The following DNAH1 variants were observed in gnomAD, a reference collection of about 807,000 sequenced individuals.
The protein encoded by DNAH1 is axonemal beta dynein heavy chain 1.
Under a neutral mutation model 484.3 loss-of-function variants are expected in DNAH1, and 327 were observed. The observed-to-expected ratio is 0.68, with a 90% confidence interval of 0.62 to 0.74. The LOEUF (loss-of-function observed/expected upper bound fraction) is 0.74. DNAH1 is among the 30% of genes least tolerant of loss of function. The probability of loss-of-function intolerance (pLI) is 0.00; values close to 1 mark genes in which losing one functional copy is unlikely to be tolerated. For missense variants in DNAH1, 5,052 were observed against 5,546.8 expected (o/e 0.91, Z 2.83); for synonymous variants, 2,192 against 2,191.9 (o/e 1.00, Z 0.00).
intron 43 of DNAH1, among the ~76,000 whole-genome samples, 155 bp from the exon 44 acceptor site, chr3:52,372,741 A>C (rs1267547888): frequency 6.6e-6 from 1 of 152,216 alleles, no homozygotes; most frequent in Non-Finnish European, 1.5e-5. Context: ...GGACACTCAG[A>C]ACAAGGATGA....
In DNAH1 at chr3:52,332,394, C is replaced by A; in HGVS notation, c.1286C>A (p.Ser429Ter). 6.2e-7 allele frequency: 1 copy of A among 1,611,934 alleles called. No homozygotes were observed. The highest frequency in any genetic ancestry group is 2.2e-5 in the East Asian group (1 of 44,858). The change falls in exon 8 of 78, where the codon TCG becomes TAG. Residue 429 changes from serine to a stop codon, truncating the protein, a stop_gained and splice_region_variant. Transcript: ENST00000420323. LOFTEE classifies it high-confidence loss of function. ...LSTPRMRKGP[S>*]VLEHLSSLAR... Reference sequence around the variant, plus strand: ...ACGCCTCGGATGCGCAAAGGCCCCTCGTGAGTCCCCGCTCGGCCTTCCCTA... The same window carrying A: ...ACGCCTCGGATGCGCAAAGGCCCCTAGTGAGTCCCCGCTCGGCCTTCCCTA...
chr3:52,312,471 C>CTT (rs1206348745), upstream of DNAH1, among the ~76,000 whole-genome samples: 7 of 135,158 alleles, frequency 5.2e-5, no homozygotes, highest in Admixed American at 1.5e-4. Context: ...TATTGCCACG[C>CTT]TTTTTTTTTT....
rs921418016 is a variant in DNAH1 at position 52,349,249 on chromosome 3, C to T, written c.2355C>T (p.Thr785=). The T allele has an allele frequency of 6.2e-7, 1 of 1,613,902 alleles. No homozygotes were observed. The highest frequency in any genetic ancestry group is 8.5e-7 in the Non-Finnish European group (1 of 1,179,864). The change falls in exon 14 of 78, where the codon ACC becomes ACT. Residue 785 remains threonine, a synonymous_variant. Transcript: ENST00000420323. ...AGGAGGTGCGGGAGGTAGTGCTCAC[C>T]CACCTGCGGGAGAAGGAGATCCTGG... ...LAQEVREVVL[T]HLREKEILDS...
chr3:52,346,704 G>A lies in DNAH1; in HGVS notation c.1889G>A (p.Cys630Tyr), dbSNP rs780394477. 1.2e-6 allele frequency: 2 copies of A among 1,613,970 alleles called. No individual in the cohort carries two copies. The highest frequency in any genetic ancestry group is 3.3e-5 in the Admixed American group (2 of 60,004). ...TTCTCACAGTTCATCAGCGACACCTGTTGCAGCGTGCTCAACTGCACCGAT... is the reference window on the plus strand; with the variant it reads ...TTCTCACAGTTCATCAGCGACACCTATTGCAGCGTGCTCAACTGCACCGAT... ...ASFSQFISDT[C>Y]CSVLNCTDDM... Residue 630 changes from cysteine to tyrosine, a missense_variant, in exon 11 of 78, where the codon TGT becomes TAT. Transcript: ENST00000420323.
chr3:52,319,589 A>G (rs1701069571), intron 1 of DNAH1, among the ~76,000 whole-genome samples: 4 of 152,246 alleles, frequency 2.6e-5, no homozygotes, highest in Admixed American at 2.0e-4. Flanking sequence ...TACAGGGGGA[A>G]CTGCCCAGAA....
chr3:52,373,810 G>A, intron 44 of DNAH1: 1 of 1,424,084 alleles, frequency 7.0e-7, no homozygotes, highest in Non-Finnish European at 9.9e-7. Context: ...ACCCATAATT[G>A]GAATGTGATC....
chr3:52,396,329 A>C, intron 70 of DNAH1, 39 bp from the exon 71 acceptor site: 1 of 1,545,770 alleles, frequency 6.5e-7, no homozygotes, highest in Non-Finnish European at 8.7e-7. Flanking sequence ...TGGCCACCAG[A>C]TATGGGTCTC....
chr3:52,370,029 G>A lies in DNAH1; in HGVS notation c.6138+10G>A. ...TGTCAGCTTCCTGGAGGTGAGTGAGGCCACGGGTATGTCTGACCCTGGCAG... is the reference window on the plus strand; with the variant it reads ...TGTCAGCTTCCTGGAGGTGAGTGAGACCACGGGTATGTCTGACCCTGGCAG... On this transcript the variant is annotated intron_variant, in intron 38 of 77. Coordinates refer to ENST00000420323, the MANE Select transcript of DNAH1 (RefSeq NM_015512.5). The A allele has an allele frequency of 6.2e-7, 1 of 1,612,782 alleles. No homozygotes were observed. Among genetic ancestry groups the A allele is most frequent in the South Asian group, 1.1e-5 (1 of 91,068 alleles).
intron 48 of DNAH1, among the ~76,000 whole-genome samples, chr3:52,380,855 G>A (rs1703813756): frequency 6.6e-6 from 1 of 152,232 alleles, no homozygotes; most frequent in Admixed American, 6.5e-5. Flanking sequence ...TCCCTAGATT[G>A]GGCTGGTTGA....
At position 52,397,703 on chromosome 3, in the gene DNAH1, C is replaced by T; in HGVS notation, c.11788-4C>T. 1 of 1,599,886 alleles carries T rather than the reference C, an allele frequency of 6.3e-7. No individual in the cohort carries two copies. The highest frequency in any genetic ancestry group is 8.5e-7 in the Non-Finnish European group (1 of 1,172,888). ...GGCTTCCATGTTGGCCTCCTCTCTC[C>T]TAGGGCTACCTCTCCTACATCAAGA... On this transcript the variant is annotated splice_region_variant and splice_polypyrimidine_tract_variant and intron_variant, in intron 73 of 77. Coordinates refer to ENST00000420323, the MANE Select transcript of DNAH1 (RefSeq NM_015512.5).
chr3:52,344,223 C>T (rs941904449), intron 8 of DNAH1, among the ~76,000 whole-genome samples: 4 of 152,126 alleles, frequency 2.6e-5, no homozygotes, highest in African/African-American at 7.2e-5. Flanking sequence ...TGCTCTGGGG[C>T]CTGCCTTGGC....
chr3:52,345,443 C>G, intron 9 of DNAH1, 52 bp from the exon 10 acceptor site: 4 of 1,491,934 alleles, frequency 2.7e-6, no homozygotes, highest in Non-Finnish European at 3.7e-6. Flanking sequence ...GTCCTGTCCC[C>G]TGGTTTGGCC....
chr3:52,373,203 C>G, intron 44 of DNAH1, 150 bp downstream of exon 44: 2 of 1,131,940 alleles, frequency 1.8e-6, no homozygotes, highest in Non-Finnish European at 2.4e-6. Context: ...GGGGGGCCGG[C>G]TGGGGGAGGG....
At chr3:52,380,247 G>C in intron 48 of DNAH1, 112 bp downstream of exon 48, 1 of 949,186 alleles carries the variant, frequency 1.1e-6, no homozygotes, top group Non-Finnish European at 1.6e-6. Flanking sequence ...TATAACCAGG[G>C]GGCCAGGACG....
intron 51 of DNAH1, 106 bp from the exon 52 acceptor site, chr3:52,383,754 G>A (rs1160177198): frequency 1.4e-6 from 2 of 1,434,492 alleles, no homozygotes; most frequent in Non-Finnish European, 1.9e-6. Flanking sequence ...CTGTGCTGCT[G>A]TGTCCTGGCT....
chr3:52,397,700 C>G lies in DNAH1; in HGVS notation c.11788-7C>G. On this transcript the variant is annotated splice_region_variant and splice_polypyrimidine_tract_variant and intron_variant, in intron 73 of 77. Transcript: ENST00000420323. ...AGGGGCTTCCATGTTGGCCTCCTCTCTCCTAGGGCTACCTCTCCTACATCA... is the reference window on the plus strand; with the variant it reads ...AGGGGCTTCCATGTTGGCCTCCTCTGTCCTAGGGCTACCTCTCCTACATCA... 6.3e-7 allele frequency: 1 copy of G among 1,598,342 alleles called. No homozygotes were observed. Among genetic ancestry groups the G allele is most frequent in the Admixed American group, 1.7e-5 (1 of 58,298 alleles).
In DNAH1 at chr3:52,349,002, A is replaced by G. The variant is rs576655203; in HGVS notation, c.2221A>G (p.Met741Val). The G allele has an allele frequency of 6.0e-5, 96 of 1,613,396 alleles. No individual in the cohort carries two copies. In the Admixed American group the frequency reaches 1.4e-3, roughly 23 times the overall value. Residue 741 changes from methionine (M) to valine (V), a missense_variant, in exon 13 of 78, where the codon ATG (methionine) becomes GTG (valine). Met to Val is a conservative substitution (Grantham distance 21). This residue lies in a region of DNAH1 where 1,263 missense variants were observed against 1,218.8 expected (regional missense o/e 1.04). Coordinates refer to ENST00000420323, the MANE Select transcript of DNAH1 (RefSeq NM_015512.5). ...CATTGCCAGTGCCGTGTCCAAGGCC[A>G]TGATCCCACTGCAGGCCTACGCCAA... is the stretch of plus-strand genomic sequence containing the variant. ...ATIASAVSKA[M>V]IPLQAYAKEY... is the part of the protein sequence containing the mutation.
intron 44 of DNAH1, among the ~76,000 whole-genome samples, 180 bp downstream of exon 44, chr3:52,373,233 A>T (rs1703428674): frequency 6.6e-6 from 1 of 152,022 alleles, no homozygotes; most frequent in Non-Finnish European, 1.5e-5. Context: ...CGCCGCCGCC[A>T]CGGCTGCCGC....
At chr3:52,376,931 C>A (rs1442990890) in intron 46 of DNAH1, among the ~76,000 whole-genome samples, 2 of 152,102 alleles carry the variant, frequency 1.3e-5, no homozygotes, top group African/African-American at 4.8e-5. Context: ...CAGACATCCC[C>A]TTCCTGCCAC....
Sources: allele counts gnomAD v4.1 joint callset (sites outside exome capture counted in the v4.1 genomes callset), GRCh38; gene constraint gnomAD v4.1.1; regional missense constraint gnomAD v4.1.1; transcripts MANE v1.5; gene names NCBI Gene and HGNC (gene_info 2026-07-23, HGNC 2026-07-21).